Variants in ABCC4 observed in about 807,000 individuals in gnomAD.
ABCC4 encodes ATP binding cassette subfamily C member 4 (PEL blood group), also known as ATP-binding cassette sub-family C member 4.
In ABCC4, 102 loss-of-function variants were observed where a neutral mutation model predicts 168.5. That is an observed-to-expected ratio of 0.61 (90% CI 0.52 to 0.71). ABCC4 has a LOEUF of 0.71. Among genes scored for constraint, ABCC4 ranks in the 30% least tolerant of loss-of-function variants. The pLI is 0.00. For missense variants in ABCC4, 1,402 were observed against 1,605.8 expected (o/e 0.87, Z 2.17); for synonymous variants, 617 against 590.7 (o/e 1.04, Z -0.65).
At chr13:95,071,564 T>C in intron 25 of ABCC4, 98 bp downstream of exon 25, 1 of 1,068,704 alleles carries the variant, frequency 9.4e-7, no homozygotes, top group South Asian at 2.6e-5. Flanking sequence ...TTAACCTACG[T>C]ATCACTGATC....
chr13:95,036,955 G>A (rs1269548234), intron 29 of ABCC4, among the ~76,000 whole-genome samples: 7 of 151,734 alleles, frequency 4.6e-5, no homozygotes, highest in Non-Finnish European at 1.0e-4. Flanking sequence ...ATGGTGGTGT[G>A]CAACTGTAGT....
chr13:95,032,307 G>A (rs2031910799), intron 30 of ABCC4, among the ~76,000 whole-genome samples: 1 of 152,194 alleles, frequency 6.6e-6, no homozygotes. Flanking sequence ...CAGGCATAAT[G>A]AGAAGTGCAC....
chr13:95,286,958 A>G (rs1217135070), intron 1 of ABCC4, among the ~76,000 whole-genome samples: 21 of 124,084 alleles, frequency 1.7e-4, no homozygotes, highest in African/African-American at 7.2e-4. Context: ...CTCTGTCTCA[A>G]AAAAAAAAAA....
Position 95,154,812 on chromosome 13 carries a change from T to C in ABCC4, c.2455+6377A>G, listed in dbSNP as rs1419531948. Among the ~76,000 whole-genome samples the C allele has an allele frequency of 2.0e-5, 3 of 152,240 alleles. 1 individual carries two copies. In the East Asian group the frequency reaches 5.8e-4, roughly 29 times the overall value. ...CTATAATTTAACAAGCCTATTATTG[T>C]AGAGGTAATTTTGACAGTGCTGAAA... On this transcript the variant is annotated intron_variant, in intron 19 of 30. Coordinates refer to ENST00000645237, the MANE Select transcript of ABCC4 (RefSeq NM_005845.5).
chr13:95,279,280 A>G (rs991849025), intron 1 of ABCC4, among the ~76,000 whole-genome samples: 1 of 152,242 alleles, frequency 6.6e-6, no homozygotes, highest in Non-Finnish European at 1.5e-5. Context: ...AGCGCTTCGC[A>G]TGTGACTTTC....
chr13:95,054,303 A>C (rs1220984422), intron 26 of ABCC4, among the ~76,000 whole-genome samples: 1 of 152,116 alleles, frequency 6.6e-6, no homozygotes. Context: ...GGAGGATCCC[A>C]CAATTAAATC....
At chr13:95,049,293 C>T (rs1220878707) in intron 27 of ABCC4, among the ~76,000 whole-genome samples, 1 of 151,518 alleles carries the variant, frequency 6.6e-6, no homozygotes, top group Admixed American at 6.6e-5. Context: ...GAGATTGCAC[C>T]ACTGCACTCC....
intron 1 of ABCC4, among the ~76,000 whole-genome samples, chr13:95,291,435 T>C (rs1440104122): frequency 6.6e-6 from 1 of 151,818 alleles, no homozygotes; most frequent in African/African-American, 2.4e-5. Flanking sequence ...GACCTCCATA[T>C]GACACGACCT....
chr13:95,197,852 T>C (rs2038504319), intron 8 of ABCC4, among the ~76,000 whole-genome samples: 1 of 152,122 alleles, frequency 6.6e-6, no homozygotes, highest in Non-Finnish European at 1.5e-5. Context: ...ATCAATCCTT[T>C]CCTTAATAAA....
chr13:95,218,989 G>GAAAGAAAGAAAAAA lies in ABCC4; in HGVS notation c.532-8209_532-8208insTTTTTTCTTTCTTT, dbSNP rs1275043272. Among the ~76,000 whole-genome samples the GAAAGAAAGAAAAAA allele has an allele frequency of 6.4e-4, 41 of 63,808 alleles. 1 individual carries two copies. Among genetic ancestry groups the GAAAGAAAGAAAAAA allele is most frequent in the African/African-American group, 1.8e-3 (33 of 18,702 alleles). 41.9% of individuals were successfully genotyped at this position (63,808 alleles called of 152,430 possible). On this transcript the variant is annotated intron_variant, in intron 4 of 30. Transcript: ENST00000645237. ...AGAAAGAAAGAAAGAAAGAAAGAGT[G>GAAAGAAAGAAAAAA]AGAAAGAAAGAAAGAGTGAGAAAGA...
chr13:95,113,096 T>C (rs747333584), intron 20 of ABCC4, among the ~76,000 whole-genome samples: 52 of 152,212 alleles, frequency 3.4e-4, no homozygotes, highest in Non-Finnish European at 7.1e-4. Flanking sequence ...GCTTCCTGTA[T>C]GGCTCACCCC....
At position 95,109,747 on chromosome 13, in the gene ABCC4, T is replaced by G. The variant is rs890367547; in HGVS notation, c.2535+6175A>C. Reference sequence around the variant, plus strand: ...TTCTCTCCTACAGTATCCCTTCTATTGTAAGTCTTATCACACAGCATGGTA... The same window carrying G: ...TTCTCTCCTACAGTATCCCTTCTATGGTAAGTCTTATCACACAGCATGGTA... On this transcript the variant is annotated intron_variant, in intron 20 of 30. Transcript: ENST00000645237. Among the ~76,000 whole-genome samples, 3 of 152,138 alleles carry G rather than the reference T, an allele frequency of 2.0e-5. No individual in the cohort carries two copies. In the East Asian group the frequency reaches 5.8e-4, roughly 29 times the overall value.
Position 95,097,467 on chromosome 13 carries a change from C to T in ABCC4, c.2536-14177G>A, listed in dbSNP as rs527718759. 7.2e-5 allele frequency among the ~76,000 whole-genome samples: 11 copies of T among 152,162 alleles called. No homozygotes were observed. In the South Asian group the frequency reaches 1.0e-3, roughly 14 times the overall value. On this transcript the variant is annotated intron_variant, in intron 20 of 30. Transcript: ENST00000645237. ...AGAGAGATACCAAGCAAAAACACCC[C>T]ACTCTTAGTAAATGACAGAACAGTG...
intron 27 of ABCC4, among the ~76,000 whole-genome samples, chr13:95,047,376 G>C (rs1272910935): frequency 3.3e-4 from 50 of 151,396 alleles, no homozygotes; most frequent in Non-Finnish European, 8.8e-5. Context: ...AGTATGTGTA[G>C]CATTTACAAT....
intron 20 of ABCC4, chr13:95,096,316 A>C (rs182825464): frequency 2.3e-6 from 1 of 428,206 alleles, no homozygotes; most frequent in African/African-American, 2.0e-5. Context: ...AAAGACTGGA[A>C]TGCAACACCC....
chr13:95,207,977 T>C, intron 6 of ABCC4, 52 bp from the exon 7 acceptor site: 2 of 1,580,228 alleles, frequency 1.3e-6, no homozygotes, highest in Non-Finnish European at 1.7e-6. Context: ...AGCCTGCCCT[T>C]ATCAGCGGCA....
intron 21 of ABCC4, among the ~76,000 whole-genome samples, chr13:95,078,389 G>A (rs555716769): frequency 1.3e-5 from 2 of 151,090 alleles, no homozygotes; most frequent in Non-Finnish European, 2.9e-5. Context: ...CTCCAGCCTG[G>A]GTGACAGAGC....
chr13:95,090,542 T>C (rs757641809), intron 20 of ABCC4, among the ~76,000 whole-genome samples: 9 of 152,066 alleles, frequency 5.9e-5, no homozygotes, highest in Non-Finnish European at 8.8e-5. Flanking sequence ...TCACCGCGGT[T>C]CGGCTCACAG....
At chr13:95,096,678 A>T (rs2034610524) in intron 20 of ABCC4, among the ~76,000 whole-genome samples, 1 of 152,160 alleles carries the variant, frequency 6.6e-6, no homozygotes, top group South Asian at 2.1e-4. Flanking sequence ...AGGAAAAAAA[A>T]AGAAAACTGT....
Sources: gnomAD v4.1 joint callset for allele counts (sites outside exome capture counted in the v4.1 genomes callset) on GRCh38, gnomAD v4.1.1 for gene constraint, MANE v1.5 for transcripts, NCBI Gene and HGNC (gene_info 2026-07-23, HGNC 2026-07-21) for gene names.